The following CCDC169 variants were observed in gnomAD, a reference collection of about 807,000 sequenced individuals.
CCDC169 encodes coiled-coil domain containing 169.
In CCDC169, 30 loss-of-function variants were observed where a neutral mutation model predicts 36.0. The observed-to-expected ratio is 0.83, with a 90% CI of 0.62 to 1.13. The LOEUF is 1.13. Among genes scored for constraint, CCDC169 ranks in the 50% most tolerant of loss-of-function variants. The probability of loss-of-function intolerance (pLI) is 0.00; values close to 1 mark genes in which losing one functional copy is unlikely to be tolerated. For missense variants in CCDC169, 245 were observed against 245.9 expected, an observed-to-expected ratio of 1.00 and a Z score of 0.03; for synonymous variants, 85 against 81.5, an observed-to-expected ratio of 1.04 and a Z score of -0.23.
chr13:36,238,181 G>A (rs1432203819), intron 7 of CCDC169, among the ~76,000 whole-genome samples: 5 of 152,172 alleles, frequency 3.3e-5, no homozygotes, highest in Admixed American at 1.3e-4. Flanking sequence ...TTGGGGTGAT[G>A]AAAATGTTCT....
downstream of CCDC169, among the ~76,000 whole-genome samples, chr13:36,228,973 G>A (rs1870136853): frequency 6.6e-6 from 1 of 152,124 alleles, no homozygotes; most frequent in Non-Finnish European, 1.5e-5. Context: ...CTGGTAGAAA[G>A]CTTAAAACTA....
At chr13:36,235,500 G>C (rs1870963486) in intron 7 of CCDC169, among the ~76,000 whole-genome samples, 1 of 151,678 alleles carries the variant, frequency 6.6e-6, no homozygotes, top group Non-Finnish European at 1.5e-5. Context: ...GAAAATCTAT[G>C]AACAAAATTT....
At chr13:36,224,454 G>C (rs1294322524), downstream of CCDC169, 1 of 152,102 alleles carries the variant, frequency 6.6e-6, no homozygotes, top group East Asian at 1.9e-4. Context: ...CAAAATCAAT[G>C]TACAAAAAAT....
intron 4 of CCDC169, among the ~76,000 whole-genome samples, chr13:36,278,763 T>C (rs1207327705): frequency 6.6e-6 from 1 of 152,164 alleles, no homozygotes; most frequent in African/African-American, 2.4e-5. Context: ...GAGCAATCCC[T>C]TGTAGTTTCA....
Position 36,297,813 on chromosome 13 carries a change from G to T in CCDC169, c.-94C>A. 1 of 1,235,418 alleles carries T rather than the reference G, an allele frequency of 8.1e-7. No individual in the cohort carries two copies. Among genetic ancestry groups the T allele is most frequent in the Non-Finnish European group, 1.1e-6 (1 of 872,510 alleles). The allele number at this position is 1,235,418 out of a possible 1,614,324, so 76.5% of individuals were successfully genotyped here. A position where few individuals can be genotyped will look rare whatever the true frequency, so the allele number is the denominator to read the frequency against. On this transcript the variant is annotated 5_prime_UTR_variant, in exon 1 of 8. Transcript: ENST00000239859. Reference sequence around the variant, plus strand: ...CCAGAAGCCAGTACGGCACGAGGCGGTGAACCCCAACCGCCCCCCGGTCGC... The same window carrying T: ...CCAGAAGCCAGTACGGCACGAGGCGTTGAACCCCAACCGCCCCCCGGTCGC...
At chr13:36,228,925 T>C (rs1668757376), downstream of CCDC169, among the ~76,000 whole-genome samples, 1 of 152,194 alleles carries the variant, frequency 6.6e-6, no homozygotes, top group African/African-American at 2.4e-5. Context: ...TGTATATTCC[T>C]TCTACAAAGG....
intron 4 of CCDC169, among the ~76,000 whole-genome samples, chr13:36,260,838 A>G (rs1007642775): frequency 2.6e-5 from 4 of 152,156 alleles, no homozygotes; most frequent in Non-Finnish European, 4.4e-5. Flanking sequence ...GCTACTTTTC[A>G]TAAGAGCCTC....
At chr13:36,237,867 C>T (rs1335373091) in intron 7 of CCDC169, among the ~76,000 whole-genome samples, 1 of 152,132 alleles carries the variant, frequency 6.6e-6, no homozygotes, top group Non-Finnish European at 1.5e-5. Flanking sequence ...TCAGAGTGTT[C>T]CCTACAGTAA....
chr13:36,295,644 T>C (rs1018048071), intron 2 of CCDC169, 134 bp downstream of exon 2: 6 of 481,450 alleles, frequency 1.2e-5, no homozygotes, highest in African/African-American at 9.9e-5. Flanking sequence ...TAAACTATCA[T>C]TAATGTGGCC....
intron 4 of CCDC169, 128 bp from the exon 5 acceptor site, chr13:36,254,271 T>C (rs1395377182): frequency 4.3e-6 from 2 of 462,012 alleles, no homozygotes; most frequent in East Asian, 4.1e-5. Context: ...TTCTATGATA[T>C]GTACTTTTTT....
At chr13:36,281,451 GA>G (rs888241475) in intron 4 of CCDC169, among the ~76,000 whole-genome samples, 47 of 147,936 alleles carry the variant, frequency 3.2e-4, no homozygotes, top group Admixed American at 9.4e-4. Flanking sequence ...TGAACCTCAA[GA>G]AAAAAAAAAG....
At position 36,295,851 on chromosome 13, in the gene CCDC169, T is replaced by C; in HGVS notation, c.90A>G (p.Ala30=). The C allele has an allele frequency of 6.6e-7, 1 of 1,523,452 alleles. No individual in the cohort carries two copies. Among genetic ancestry groups the C allele is most frequent in the Non-Finnish European group, 8.9e-7 (1 of 1,127,470 alleles). 94.4% of individuals were successfully genotyped at this position (1,523,452 alleles called of 1,614,324 possible). A position where few individuals can be genotyped will look rare whatever the true frequency, so the allele number is the denominator to read the frequency against. ...QLLEEVRKKD[A]VQLSIFELRH... is the part of the protein sequence containing the mutation. ...TTAGTTCAAATATTGAGAGTTGCAC[T>C]GCATCCCTGTTATTTAAAATATTTT... Residue 30 remains alanine, a synonymous_variant, in exon 2 of 8, where the codon GCA becomes GCG. Transcript: ENST00000239859.
At chr13:36,227,487 C>A, downstream of CCDC169, 1 of 1,163,712 alleles carries the variant, frequency 8.6e-7, no homozygotes, top group Middle Eastern at 3.2e-4. Context: ...CACACACACA[C>A]ACATATACAC....
chr13:36,250,066 A>AAAT (rs1456058511), intron 6 of CCDC169, among the ~76,000 whole-genome samples: 1 of 152,214 alleles, frequency 6.6e-6, no homozygotes, highest in Non-Finnish European at 1.5e-5. Flanking sequence ...ACAGCAAAAT[A>AAAT]AATAGGTGAT....
intron 4 of CCDC169, among the ~76,000 whole-genome samples, chr13:36,256,720 G>A (rs1054228670): frequency 1.3e-5 from 2 of 152,206 alleles, no homozygotes; most frequent in Non-Finnish European, 2.9e-5. Flanking sequence ...CCACCGGCCT[G>A]GGGTGCTGGC....
chr13:36,284,492 C>T (rs1009312676), intron 2 of CCDC169, among the ~76,000 whole-genome samples: 13 of 152,170 alleles, frequency 8.5e-5, no homozygotes, highest in African/African-American at 2.9e-4. Context: ...AAATCATATC[C>T]TCTTAACTCC....
chr13:36,254,274 AC>A, intron 4 of CCDC169, 131 bp from the exon 5 acceptor site: 60 of 415,598 alleles, frequency 1.4e-4, no homozygotes, highest in Middle Eastern at 7.3e-4. Flanking sequence ...TATGATATGT[AC>A]TTTTTTTTTT....
At position 36,254,072 on chromosome 13, in the gene CCDC169, A is replaced by G; in HGVS notation, c.387T>C (p.Tyr129=). Residue 129 remains tyrosine (Y), a synonymous_variant, in exon 5 of 8, where the codon TAT becomes TAC. Coordinates refer to ENST00000239859, the MANE Select transcript of CCDC169 (RefSeq NM_001144981.3). ...KKTLESQVKY[Y]ALKLEQESKA... ...TTGATTCTTGTTCCAGTTTAAGTGC[A>G]TAGTATTTCACTTGACTTTCAAGAG... The G allele has an allele frequency of 6.5e-7, 1 of 1,548,884 alleles. No homozygotes were observed. Among genetic ancestry groups the G allele is most frequent in the Non-Finnish European group, 8.7e-7 (1 of 1,146,146 alleles).
chr13:36,234,260 T>C (rs1056705758), intron 7 of CCDC169, among the ~76,000 whole-genome samples: 1 of 152,116 alleles, frequency 6.6e-6, no homozygotes, highest in African/African-American at 2.4e-5. Context: ...ATAAATATGA[T>C]TCATGTCTGT....
Sources: gnomAD v4.1 joint callset for allele counts (sites outside exome capture counted in the v4.1 genomes callset) on GRCh38, gnomAD v4.1.1 for gene constraint, MANE v1.5 for transcripts, NCBI Gene and HGNC (gene_info 2026-07-23, HGNC 2026-07-21) for gene names.